TATDN3: variants seen among roughly 807,000 people sequenced by gnomAD.
TATDN3 encodes the protein TatD DNase domain containing 3, also known as deoxyribonuclease TATDN3.
A neutral mutation model predicts 40.1 loss-of-function variants in TATDN3; 29 were observed. That is an observed-to-expected ratio of 0.72 (90% CI 0.54 to 0.99). The LOEUF is 0.99. TATDN3 is among the 50% of genes least tolerant of loss of function. The probability of loss-of-function intolerance (pLI) is 0.00; values close to 1 mark genes in which losing one functional copy is unlikely to be tolerated. For synonymous variants in TATDN3, 105 were observed against 117.0 expected (o/e 0.90, Z 0.66); for missense variants, 309 against 321.9 (o/e 0.96, Z 0.31).
rs1661825345 is a variant in TATDN3 at position 212,797,146 on chromosome 1, C to G, written c.208C>G (p.His70Asp). The G allele has an allele frequency of 1.9e-6, 3 of 1,614,092 alleles. No individual in the cohort carries two copies. Among genetic ancestry groups the G allele is most frequent in the Non-Finnish European group, 2.5e-6 (3 of 1,180,014 alleles). ...GTTTGTCCTGCCATGCTTGGGTGTT[C>G]ATCCAGTTCAAGGACTTCCACCAGA... ...NGFVLPCLGV[H>D]PVQGLPPEDQ... is the part of the protein sequence containing the mutation. Residue 70 changes from histidine (H) to aspartate (D), a missense_variant, in exon 4 of 10, where the codon CAT becomes GAT. By Grantham distance (81) the His-to-Asp change is moderately conservative (BLOSUM62 -1). Transcript: ENST00000366974.
At chr1:212,795,301 C>T (rs565546043) in intron 2 of TATDN3, among the ~76,000 whole-genome samples, 174 bp downstream of exon 2, 52 of 146,652 alleles carry the variant, frequency 3.5e-4, no homozygotes, top group African/African-American at 1.2e-3. Flanking sequence ...GACAGAGTCT[C>T]GCTCTGTCGC....
rs961207864 is a variant in TATDN3, at chr1:212,816,255, A to G, written c.*1099A>G. 6.6e-6 allele frequency: 1 copy of G among 152,158 alleles called. No individual in the cohort carries two copies. Among genetic ancestry groups the G allele is most frequent in the African/African-American group, 2.4e-5 (1 of 41,438 alleles). The allele number at this position is 152,158 out of a possible 1,614,324, so 9.4% of individuals were successfully genotyped here. ...ACCACTCAGGAGGCTGAGATGGGAG[A>G]CCTTTTAAGCCTGAGTTTGAGTCAG... On this transcript the variant is annotated 3_prime_UTR_variant, in exon 10 of 10. Coordinates refer to ENST00000366974, the MANE Select transcript of TATDN3 (RefSeq NM_001042552.3).
chr1:212,794,861 T>TA (rs1661633499), intron 1 of TATDN3: 1 of 641,562 alleles, frequency 1.6e-6, no homozygotes, highest in African/African-American at 1.8e-5. Context: ...GACAGAGAAA[T>TA]ACCCTGTATA....
chr1:212,796,483 T>C lies in TATDN3; in HGVS notation c.100-34T>C. ...TTCTATAATTTATATTAAATGTATA[T>C]TGTTTGTAACTTTATTCTTTTTTTT... On this transcript the variant is annotated intron_variant, in intron 2 of 9. Transcript: ENST00000366974. 3 of 1,454,166 alleles carry C rather than the reference T, an allele frequency of 2.1e-6. No individual in the cohort carries two copies. The South Asian group carries it at 4.5e-5, about 22-fold the overall frequency. The allele number at this position is 1,454,166 out of a possible 1,614,324, so 90.1% of individuals were successfully genotyped here.
chr1:212,806,574 A>C (rs930915036), intron 7 of TATDN3, among the ~76,000 whole-genome samples: 4 of 150,292 alleles, frequency 2.7e-5, no homozygotes, highest in African/African-American at 7.3e-5. Flanking sequence ...ACTGGGTTTC[A>C]CCATGTTGCC....
rs754354697 is a variant in TATDN3 at position 212,802,713 on chromosome 1, G to C, written c.271G>C (p.Ala91Pro). The change falls in exon 5 of 10, where the codon GCT becomes CCT. Residue 91 changes from alanine to proline, a missense_variant. Physicochemically the swap from Ala to Pro is conservative, Grantham distance 27. Transcript: ENST00000366974. ...TTTTTTCTCCCAGGATTTGGATGTA[G>C]CTTTGCCCATTATTGAGAATTATAA... ...RSVTLKDLDV[A>P]LPIIENYKDR... is the part of the protein sequence containing the mutation. 1 of 1,612,512 alleles carries C rather than the reference G, an allele frequency of 6.2e-7. No individual in the cohort carries two copies. Among genetic ancestry groups the C allele is most frequent in the Non-Finnish European group, 8.5e-7 (1 of 1,178,618 alleles).
At chr1:212,814,697 A>G (rs1040889066) in intron 9 of TATDN3, among the ~76,000 whole-genome samples, 1 of 152,198 alleles carries the variant, frequency 6.6e-6, no homozygotes, top group African/African-American at 2.4e-5. Flanking sequence ...CATTCACCTA[A>G]GCAACAAACC....
intron 4 of TATDN3, among the ~76,000 whole-genome samples, chr1:212,799,816 G>A (rs1352010651): frequency 6.6e-6 from 1 of 152,160 alleles, no homozygotes; most frequent in Non-Finnish European, 1.5e-5. Context: ...TGGGATTATA[G>A]GTGTGAGCCA....
Position 212,812,289 on chromosome 1 carries a change from C to A in TATDN3, c.642C>A (p.Cys214Ter). The change falls in exon 9 of 10, where the codon TGC becomes TGA. Residue 214 changes from cysteine to a stop codon, truncating the protein, a stop_gained. Transcript: ENST00000366974. LOFTEE classifies it high-confidence loss of function. ...LVKQLPLTSI[C>*]LETDSPALGP... The stretch of plus-strand genomic sequence containing the variant: ...AACAATTGCCTTTAACTTCTATATG[C>A]TTAGAAACAGATTCACCTGCACTAG... 6.3e-7 allele frequency: 1 copy of A among 1,583,376 alleles called. No individual in the cohort carries two copies. Among genetic ancestry groups the A allele is most frequent in the Non-Finnish European group, 8.5e-7 (1 of 1,169,776 alleles).
At chr1:212,792,881 G>C (rs935098756) in intron 1 of TATDN3, 1 of 152,064 alleles carries the variant, frequency 6.6e-6, no homozygotes, top group Non-Finnish European at 1.5e-5. Flanking sequence ...GGAAACTAGA[G>C]ACTAATAATA....
chr1:212,811,005 C>G (rs1242014724), intron 8 of TATDN3, among the ~76,000 whole-genome samples: 1 of 152,048 alleles, frequency 6.6e-6, no homozygotes, highest in Non-Finnish European at 1.5e-5. Context: ...TTTTTTGAAG[C>G]AGAGTCTCAC....
chr1:212,792,486 A>AG (rs1419396146), intron 1 of TATDN3, among the ~76,000 whole-genome samples: 1 of 150,944 alleles, frequency 6.6e-6, no homozygotes, highest in Non-Finnish European at 1.5e-5. Flanking sequence ...AAAAAAAAAA[A>AG]AAGCCGGTGA....
At chr1:212,798,536 C>CAAAAAAA (rs11296428) in intron 4 of TATDN3, among the ~76,000 whole-genome samples, 116 of 91,246 alleles carry the variant, frequency 1.3e-3, no homozygotes, top group South Asian at 2.0e-3. Flanking sequence ...CTCAAAAACT[C>CAAAAAAA]AAAAAAAAAA....
chr1:212,793,232 A>C (rs1201108326), intron 1 of TATDN3, among the ~76,000 whole-genome samples: 1 of 152,014 alleles, frequency 6.6e-6, no homozygotes, highest in African/African-American at 2.4e-5. Flanking sequence ...TTATTTTTTT[A>C]GATTGAGTCT....
intron 2 of TATDN3, 78 bp from the exon 3 acceptor site, chr1:212,796,439 C>A: frequency 1.8e-6 from 2 of 1,108,776 alleles, no homozygotes; most frequent in South Asian, 2.2e-5. Flanking sequence ...AACTAAAATG[C>A]AGAGAAAACT....
At chr1:212,798,018 T>C (rs907266944) in intron 4 of TATDN3, among the ~76,000 whole-genome samples, 6 of 152,130 alleles carry the variant, frequency 3.9e-5, no homozygotes, top group African/African-American at 1.2e-4. Context: ...AATTAAGATA[T>C]AGTGCCATTT....
chr1:212,794,990 C>T, intron 1 of TATDN3, 105 bp from the exon 2 acceptor site: 1 of 869,342 alleles, frequency 1.2e-6, no homozygotes. Flanking sequence ...CCATTAGTTG[C>T]TATCATTGTT....
rs546098694 is a variant in TATDN3 at position 212,810,308 on chromosome 1, C to T, written c.601-1940C>T. ...GTGGATCACGACGTGGTCAGGAGAT[C>T]AAGACCATCCTGGCTCACATGGTGA... is the stretch of plus-strand genomic sequence containing the variant. On this transcript the variant is annotated intron_variant, in intron 8 of 9. Transcript: ENST00000366974. Among the ~76,000 whole-genome samples, 6 of 152,032 alleles carry T rather than the reference C, an allele frequency of 3.9e-5. No individual in the cohort carries two copies. In the East Asian group the frequency reaches 1.2e-3, roughly 29 times the overall value.
intron 7 of TATDN3, among the ~76,000 whole-genome samples, chr1:212,805,643 C>T (rs1266895139): frequency 1.3e-5 from 2 of 152,122 alleles, no homozygotes; most frequent in African/African-American, 2.4e-5. Flanking sequence ...AATCACATTG[C>T]GTCACTGTTT....
Sources: allele counts gnomAD v4.1 joint callset (sites outside exome capture counted in the v4.1 genomes callset), GRCh38; gene constraint gnomAD v4.1.1; transcripts MANE v1.5; gene names NCBI Gene and HGNC (gene_info 2026-07-23, HGNC 2026-07-21).